SNX4: variants seen among roughly 807,000 people sequenced by gnomAD.
SNX4 encodes sorting nexin 4.
A neutral mutation model predicts 70.8 loss-of-function variants in SNX4; 49 were observed. The observed-to-expected ratio is 0.69, with a 90% CI of 0.55 to 0.88. The LOEUF is 0.88. Among genes scored for constraint, SNX4 ranks in the 40% least tolerant of loss-of-function variants. The probability of loss-of-function intolerance (pLI) is 0.00; values close to 1 mark genes in which losing one functional copy is unlikely to be tolerated. For synonymous variants in SNX4, 206 were observed against 183.8 expected (o/e 1.12, Z -0.98); for missense variants, 528 against 544.8 (o/e 0.97, Z 0.31).
At chr3:125,496,883 A>C (rs1934803977) in intron 5 of SNX4, among the ~76,000 whole-genome samples, 1 of 152,108 alleles carries the variant, frequency 6.6e-6, no homozygotes, top group African/African-American at 2.4e-5. Flanking sequence ...CAGACAGAAG[A>C]AGCATGACTA....
At chr3:125,469,326 C>CAG (rs1207224030) in intron 9 of SNX4, 128 bp downstream of exon 9, 1 of 500,154 alleles carries the variant, frequency 2.0e-6, no homozygotes, top group African/African-American at 2.0e-5. Flanking sequence ...AAATTTAAGT[C>CAG]AGATATGTAC....
intron 1 of SNX4, among the ~76,000 whole-genome samples, chr3:125,506,599 G>A (rs924599538): frequency 6.7e-6 from 1 of 148,994 alleles, no homozygotes; most frequent in African/African-American, 2.5e-5. Flanking sequence ...TCCACCTCTT[G>A]GGTTCAAGGG....
intron 1 of SNX4, among the ~76,000 whole-genome samples, chr3:125,512,437 TAAAGAATACAA>T (rs903991384): frequency 1.1e-4 from 17 of 152,082 alleles, no homozygotes; most frequent in Non-Finnish European, 2.2e-4. Context: ...TCATAAAAGC[TAAAGAATACAA>T]ACAGGCACAC....
chr3:125,472,917 C>T (rs954827011), intron 8 of SNX4, among the ~76,000 whole-genome samples: 1 of 152,066 alleles, frequency 6.6e-6, no homozygotes, highest in Non-Finnish European at 1.5e-5. Context: ...TCCTATCCCT[C>T]CCCTGTCCAC....
At chr3:125,512,605 T>C (rs764366538) in intron 1 of SNX4, among the ~76,000 whole-genome samples, 22 of 152,162 alleles carry the variant, frequency 1.4e-4, no homozygotes, top group African/African-American at 4.6e-4. Flanking sequence ...GACTGGCTTG[T>C]TGAATGGCAG....
chr3:125,456,819 C>A (rs1429030402), intron 11 of SNX4, among the ~76,000 whole-genome samples: 1 of 152,090 alleles, frequency 6.6e-6, no homozygotes, highest in Admixed American at 6.6e-5. Flanking sequence ...AGGCACCACA[C>A]CTGGCTAATT....
At chr3:125,485,296 T>C (rs1278754581) in intron 6 of SNX4, among the ~76,000 whole-genome samples, 2 of 152,066 alleles carry the variant, frequency 1.3e-5, no homozygotes, top group Non-Finnish European at 2.9e-5. Context: ...ATCTATTTTA[T>C]ATGGCTTTCC....
At chr3:125,491,284 A>G (rs1934654337) in intron 5 of SNX4, among the ~76,000 whole-genome samples, 1 of 152,228 alleles carries the variant, frequency 6.6e-6, no homozygotes, top group African/African-American at 2.4e-5. Flanking sequence ...ATTAAAAATC[A>G]CTAAAAACCA....
chr3:125,504,955 T>G (rs945014026), intron 1 of SNX4, among the ~76,000 whole-genome samples: 1 of 152,118 alleles, frequency 6.6e-6, no homozygotes, highest in Admixed American at 6.6e-5. Flanking sequence ...CAGAGGTATT[T>G]TAGTTATGTA....
At chr3:125,480,211 T>A (rs764474826) in intron 7 of SNX4, 36 bp downstream of exon 7, 1 of 1,313,690 alleles carries the variant, frequency 7.6e-7, no homozygotes, top group Admixed American at 2.3e-5. Context: ...CACTTCCTTA[T>A]GCATGTGCAT....
chr3:125,492,712 T>C (rs1229130285), intron 5 of SNX4, among the ~76,000 whole-genome samples: 1 of 152,192 alleles, frequency 6.6e-6, no homozygotes, highest in Non-Finnish European at 1.5e-5. Context: ...AGCTCCACAA[T>C]AACACAGAGT....
intron 1 of SNX4, among the ~76,000 whole-genome samples, chr3:125,516,233 C>T (rs904703219): frequency 3.3e-5 from 5 of 152,176 alleles, no homozygotes; most frequent in Non-Finnish European, 7.3e-5. Flanking sequence ...CTGTTAACTG[C>T]CAACTCAATG....
At chr3:125,476,651 A>G in intron 8 of SNX4, 44 bp downstream of exon 8, 1 of 1,069,294 alleles carries the variant, frequency 9.4e-7, no homozygotes, top group Non-Finnish European at 1.4e-6. Context: ...TCAGGCAAAA[A>G]GGTAATTAAA....
intron 1 of SNX4, among the ~76,000 whole-genome samples, chr3:125,518,437 G>A (rs528511475): frequency 3.9e-4 from 59 of 152,198 alleles, no homozygotes; most frequent in Non-Finnish European, 7.9e-4. Context: ...ACTCCAGCCT[G>A]GGAGACAGAG....
intron 11 of SNX4, among the ~76,000 whole-genome samples, chr3:125,455,215 G>A (rs1933680549): frequency 6.6e-6 from 1 of 152,176 alleles, no homozygotes; most frequent in African/African-American, 2.4e-5. Context: ...GATTGCCATT[G>A]TAAGCTACCA....
chr3:125,498,059 C>T lies in SNX4; in HGVS notation c.399G>A (p.Arg133=), dbSNP rs1477156669. ...AAACTACTGCCATTTCACTTCTTAC[C>T]CGTTTTTCTGGCAGAGGTGGCACAA... is the stretch of plus-strand genomic sequence containing the variant. ...HIVVPPLPEK[R]AEFVWHKLSA... is the part of the protein sequence containing the mutation. Residue 133 remains arginine (R), a splice_region_variant and synonymous_variant, in exon 3 of 14, where the codon CGG becomes CGA. Coordinates refer to ENST00000251775, the MANE Select transcript of SNX4 (RefSeq NM_003794.4). The T allele has an allele frequency of 1.9e-6, 3 of 1,613,990 alleles. No homozygotes were observed. Among genetic ancestry groups the T allele is most frequent in the Admixed American group, 3.3e-5 (2 of 59,992 alleles).
chr3:125,472,475 A>T (rs563636714), intron 8 of SNX4, among the ~76,000 whole-genome samples: 1 of 152,202 alleles, frequency 6.6e-6, no homozygotes, highest in Non-Finnish European at 1.5e-5. Flanking sequence ...TAGACATGGC[A>T]CACTCTTTCT....
Position 125,453,800 on chromosome 3 carries a change from G to A in SNX4, c.1190+10C>T. The A allele has an allele frequency of 6.2e-7, 1 of 1,612,946 alleles. No homozygotes were observed. The highest frequency in any genetic ancestry group is 1.7e-4 in the Middle Eastern group (1 of 6,058). ...AAGCCTAGCTTACTTAAACATCGCAGCATCTTTACCTGCCTTCCAGATTTT... is the reference window on the plus strand; with the variant it reads ...AAGCCTAGCTTACTTAAACATCGCAACATCTTTACCTGCCTTCCAGATTTT... On this transcript the variant is annotated intron_variant, in intron 12 of 13. Transcript: ENST00000251775.
intron 2 of SNX4, among the ~76,000 whole-genome samples, chr3:125,499,021 T>C (rs1487317629): frequency 6.6e-6 from 1 of 152,230 alleles, no homozygotes; most frequent in East Asian, 1.9e-4. Flanking sequence ...GAACAAAATA[T>C]TAGTTAGCTC....
Sources: gnomAD v4.1 joint callset for allele counts (sites outside exome capture counted in the v4.1 genomes callset) on GRCh38, gnomAD v4.1.1 for gene constraint, MANE v1.5 for transcripts, NCBI Gene and HGNC (gene_info 2026-07-23, HGNC 2026-07-21) for gene names.